KCNG2: variants seen among roughly 807,000 people sequenced by gnomAD.
The protein encoded by KCNG2 is voltage-gated potassium channel regulatory subunit KCNG2.
Under a neutral mutation model 12.3 loss-of-function variants are expected in KCNG2, and 7 were observed. The observed-to-expected ratio is 0.57, with a 90% CI of 0.32 to 1.07. The LOEUF is 1.07. Among genes scored for constraint, KCNG2 ranks in the 50% least tolerant of loss-of-function variants. The probability of loss-of-function intolerance (pLI) is 0.04; values close to 1 mark genes in which losing one functional copy is unlikely to be tolerated. For synonymous variants in KCNG2, 414 were observed against 351.4 expected, an observed-to-expected ratio of 1.18 and a Z score of -1.99; for missense variants, 703 against 726.0, an observed-to-expected ratio of 0.97 and a Z score of 0.36.
At chr18:79,851,183 A>T (rs4798920) in intron 1 of KCNG2, among the ~76,000 whole-genome samples, 137,826 of 152,222 alleles carry the variant, frequency 0.91, 64,039 homozygotes, top group East Asian at 1. Context: ...AAAAAAAAAG[A>T]TCATAGGGAG....
At chr18:79,818,189 T>C (rs1292081932) in intron 1 of KCNG2, among the ~76,000 whole-genome samples, 5 of 152,138 alleles carry the variant, frequency 3.3e-5, no homozygotes, top group African/African-American at 1.2e-4. Context: ...GGAGAGGCAA[T>C]GCGATCTAAT....
intron 3 of KCNG2, among the ~76,000 whole-genome samples, chr18:79,892,841 G>C (rs1264647197): frequency 1.3e-5 from 2 of 151,506 alleles, no homozygotes; most frequent in Non-Finnish European, 2.9e-5. Context: ...GATTGATATA[G>C]TTGGGTCTGT....
At chr18:79,852,072 T>A (rs191065035) in intron 1 of KCNG2, among the ~76,000 whole-genome samples, 1 of 152,198 alleles carries the variant, frequency 6.6e-6, no homozygotes, top group Non-Finnish European at 1.5e-5. Flanking sequence ...CTAGCTCTAA[T>A]TGTTAACGCT....
chr18:79,808,126 CT>C (rs1420649028), intron 1 of KCNG2, among the ~76,000 whole-genome samples: 7 of 122,366 alleles, frequency 5.7e-5, no homozygotes, highest in Non-Finnish European at 1.2e-4. Flanking sequence ...AGTCCGCGCT[CT>C]GAGGAGCTGC....
intron 1 of KCNG2, among the ~76,000 whole-genome samples, chr18:79,802,416 T>C (rs2087417404): frequency 6.6e-6 from 1 of 151,456 alleles, no homozygotes; most frequent in Non-Finnish European, 1.5e-5. Flanking sequence ...CCGGAGAGCC[T>C]GGCCTTGACA....
intron 3 of KCNG2, among the ~76,000 whole-genome samples, chr18:79,881,226 A>G (rs4239346): frequency 0.55 from 82,711 of 151,332 alleles, 23,191 homozygotes; most frequent in Middle Eastern, 0.63. Flanking sequence ...GAAACACACC[A>G]TATGATTGGA....
At chr18:79,885,579 A>G (rs569832619) in intron 3 of KCNG2, among the ~76,000 whole-genome samples, 96 of 152,280 alleles carry the variant, frequency 6.3e-4, no homozygotes, top group Middle Eastern at 3.4e-3. Context: ...ACCGGTCCCT[A>G]TGCCCGGCCA....
chr18:79,806,170 G>A (rs1254654308), intron 1 of KCNG2, among the ~76,000 whole-genome samples: 2 of 152,236 alleles, frequency 1.3e-5, no homozygotes, highest in African/African-American at 4.8e-5. Context: ...CTGAGAGCCA[G>A]GCATCCAGCC....
intron 1 of KCNG2, among the ~76,000 whole-genome samples, chr18:79,835,742 A>C (rs1978320422): frequency 6.6e-6 from 1 of 152,206 alleles, no homozygotes. Flanking sequence ...AGGCAGGTAG[A>C]GGGATGTGTA....
intron 1 of KCNG2, among the ~76,000 whole-genome samples, chr18:79,849,343 G>A (rs1978734760): frequency 6.6e-6 from 1 of 152,162 alleles, no homozygotes; most frequent in Non-Finnish European, 1.5e-5. Flanking sequence ...CACACAACCC[G>A]CCCTCCCAGC....
At chr18:79,876,581 G>T (rs1388799793) in intron 3 of KCNG2, among the ~76,000 whole-genome samples, 1 of 152,236 alleles carries the variant, frequency 6.6e-6, no homozygotes, top group Non-Finnish European at 1.5e-5. Context: ...GCCCTCTTCT[G>T]CATCCACAGG....
intron 3 of KCNG2, among the ~76,000 whole-genome samples, chr18:79,874,189 G>C (rs1413069567): frequency 6.6e-6 from 1 of 152,212 alleles, no homozygotes; most frequent in Non-Finnish European, 1.5e-5. Context: ...ACTGTGTTTT[G>C]TTGGCCGATT....
At chr18:79,847,362 A>G (rs1978661075) in intron 1 of KCNG2, among the ~76,000 whole-genome samples, 1 of 152,166 alleles carries the variant, frequency 6.6e-6, no homozygotes, top group East Asian at 1.9e-4. Context: ...CCATGCCAGG[A>G]GCATCCCCAG....
chr18:79,868,108 A>G (rs1273891195), intron 3 of KCNG2, among the ~76,000 whole-genome samples: 1 of 152,158 alleles, frequency 6.6e-6, no homozygotes, highest in East Asian at 1.9e-4. Context: ...CCAGGAGGGA[A>G]AATTCATTTG....
At chr18:79,844,325 G>T (rs1978553353) in intron 1 of KCNG2, among the ~76,000 whole-genome samples, 1 of 152,104 alleles carries the variant, frequency 6.6e-6, no homozygotes, top group Admixed American at 6.6e-5. Context: ...AGTAATGTGT[G>T]ATCTCACTCG....
At position 79,802,124 on chromosome 18, in the gene KCNG2, T is replaced by C. The variant is rs534461320; in HGVS notation, c.-115+4110T>C. On this transcript the variant is annotated intron_variant, in intron 1 of 3. Transcript: ENST00000316249. ...GAAAATATGAGCATTTCATACACTG[T>C]GCAGTTAGTTTTGTGTGTTCCTGGT... Among the ~76,000 whole-genome samples, 4 of 152,388 alleles carry C rather than the reference T, an allele frequency of 2.6e-5. No individual in the cohort carries two copies. In the South Asian group the frequency reaches 8.3e-4, roughly 32 times the overall value.
At chr18:79,842,420 C>G (rs548280466) in intron 1 of KCNG2, among the ~76,000 whole-genome samples, 40 of 152,332 alleles carry the variant, frequency 2.6e-4, no homozygotes, top group African/African-American at 9.6e-4. Context: ...TCTTTAAATA[C>G]TCAGATACCA....
intron 1 of KCNG2, among the ~76,000 whole-genome samples, chr18:79,839,136 T>G (rs190773642): frequency 6.6e-6 from 1 of 152,084 alleles, no homozygotes; most frequent in East Asian, 1.9e-4. Flanking sequence ...AAAATATAAA[T>G]TTAAAAATAA....
chr18:79,828,557 ATCTG>A (rs1185810188), intron 1 of KCNG2, among the ~76,000 whole-genome samples: 1 of 149,320 alleles, frequency 6.7e-6, no homozygotes, highest in Non-Finnish European at 1.5e-5. Flanking sequence ...CTGTGTGTCT[ATCTG>A]TGTGCATGTC....
Sources: allele counts gnomAD v4.1 joint callset (sites outside exome capture counted in the v4.1 genomes callset), GRCh38; gene constraint gnomAD v4.1.1; transcripts MANE v1.5; gene names NCBI Gene and HGNC (gene_info 2026-07-23, HGNC 2026-07-21).